The following PCDHA7 variants were observed in gnomAD, a reference collection of about 807,000 sequenced individuals.
PCDHA7 encodes protocadherin alpha 7, also known as protocadherin alpha-7.
Under a neutral mutation model 57.2 loss-of-function variants are expected in PCDHA7, and 37 were observed. That is an observed-to-expected ratio of 0.65 (90% CI 0.50 to 0.85). The LOEUF (loss-of-function observed/expected upper bound fraction) is 0.85. Among genes scored for constraint, PCDHA7 ranks in the 40% least tolerant of loss-of-function variants. PCDHA7 has a pLI of 0.00. For missense variants in PCDHA7, 1,188 were observed against 1,241.8 expected (o/e 0.96, Z 0.65); for synonymous variants, 553 against 558.8 (o/e 0.99, Z 0.15).
Position 140,842,281 on chromosome 5 carries a change from T to G in PCDHA7, c.2355+5543T>G, listed in dbSNP as rs1777847899. On this transcript the variant is annotated intron_variant, in intron 1 of 3. Coordinates refer to ENST00000525929, the MANE Select transcript of PCDHA7 (RefSeq NM_018910.3). Reference sequence around the variant, plus strand: ...AAGAAAACTTATACAAAATCCTCATTGACGCCACGGACAAAGGCCATCCTC... The same window carrying G: ...AAGAAAACTTATACAAAATCCTCATGGACGCCACGGACAAAGGCCATCCTC... 3 of 1,610,824 alleles carry G rather than the reference T, an allele frequency of 1.9e-6. No individual in the cohort carries two copies. The East Asian group carries it at 6.7e-5, about 36-fold the overall frequency.
rs2150279468 is a variant in PCDHA7, at chr5:140,851,877, A to C, written c.2355+15139A>C. On this transcript the variant is annotated intron_variant, in intron 1 of 3. Coordinates refer to ENST00000525929, the MANE Select transcript of PCDHA7 (RefSeq NM_018910.3). Reference sequence around the variant, plus strand: ...CAGCTCATACATAACACAAGGCAGAAATCTGGATATGAGATTTGCCTCTTT... The same window carrying C: ...CAGCTCATACATAACACAAGGCAGACATCTGGATATGAGATTTGCCTCTTT... 2.0e-6 allele frequency: 2 copies of C among 977,786 alleles called. 1 individual carries two copies. The highest frequency in any genetic ancestry group is 3.5e-5 in the African/African-American group (2 of 56,674). The allele number at this position is 977,786 out of a possible 1,614,324, so 60.6% of individuals were successfully genotyped here.
chr5:140,861,263 C>T (rs1441824689), intron 1 of PCDHA7: 2 of 174,012 alleles, frequency 1.1e-5, no homozygotes, highest in African/African-American at 4.8e-5. Context: ...ATCCCGGAGC[C>T]TACAGCACTG....
At chr5:140,901,922 G>A (rs2068984254) in intron 1 of PCDHA7, among the ~76,000 whole-genome samples, 2 of 151,732 alleles carry the variant, frequency 1.3e-5, no homozygotes. Flanking sequence ...TCACTTCTTT[G>A]GTTAATTCCT....
chr5:140,869,964 T>A (rs546576795), intron 1 of PCDHA7: 1 of 1,613,046 alleles, frequency 6.2e-7, no homozygotes, highest in African/African-American at 1.3e-5. Context: ...TTAAGCCCAA[T>A]GGAAGACACT....
Position 140,988,156 on chromosome 5 carries a change from C to T in PCDHA7, c.2503+5593C>T, listed in dbSNP as rs546335543. Among the ~76,000 whole-genome samples, 7 of 152,172 alleles carry T rather than the reference C, an allele frequency of 4.6e-5. No individual in the cohort carries two copies. The South Asian group carries it at 1.5e-3, about 32-fold the overall frequency. On this transcript the variant is annotated intron_variant, in intron 3 of 3. Coordinates refer to ENST00000525929, the MANE Select transcript of PCDHA7 (RefSeq NM_018910.3). ...TAACCTGTTCAACCTCAACTTCTGCCGTTGTCATAGCAATGACAGTCCTGG... is the reference window on the plus strand; with the variant it reads ...TAACCTGTTCAACCTCAACTTCTGCTGTTGTCATAGCAATGACAGTCCTGG...
Position 141,011,490 on chromosome 5 carries a change from A to T in PCDHA7, c.*1553A>T, listed in dbSNP as rs2098420792. On this transcript the variant is annotated 3_prime_UTR_variant, in exon 4 of 4. Transcript: ENST00000525929. ...GTAATTCCATTATATTTCCTTTTGT[A>T]CACCTGTGAAAAAGTGGAGTAGTGT... The T allele has an allele frequency of 1.3e-5, 2 of 153,734 alleles. No homozygotes were observed. The highest frequency in any genetic ancestry group is 2.9e-5 in the Non-Finnish European group (2 of 68,036). 9.5% of individuals were successfully genotyped at this position (153,734 alleles called of 1,614,324 possible). A position where few individuals can be genotyped will look rare whatever the true frequency, so the allele number is the denominator to read the frequency against.
At position 140,836,054 on chromosome 5, in the gene PCDHA7, C is replaced by T; in HGVS notation, c.1671C>T (p.Asp557=). 2 of 1,613,594 alleles carry T rather than the reference C, an allele frequency of 1.2e-6. No individual in the cohort carries two copies. The highest frequency in any genetic ancestry group is 1.7e-6 in the Non-Finnish European group (2 of 1,179,746). The change falls in exon 1 of 4, where the codon GAC becomes GAT. Residue 557 remains aspartate (D), a synonymous_variant. Transcript: ENST00000525929. Reference sequence around the variant, plus strand: ...TGACGCTGCAGGTGTTCGTGCTGGACGAGAACGACAACGCGCCGGCACTGC... The same window carrying T: ...TGACGCTGCAGGTGTTCGTGCTGGATGAGAACGACAACGCGCCGGCACTGC... ...SNVTLQVFVL[D]ENDNAPALLA...
intron 1 of PCDHA7, among the ~76,000 whole-genome samples, chr5:140,948,438 G>A (rs2094254732): frequency 6.6e-6 from 1 of 151,474 alleles, no homozygotes; most frequent in South Asian, 2.1e-4. Context: ...GAAACATTCT[G>A]TGCCAGGGAT....
In PCDHA7 at chr5:140,871,387, G is replaced by A. The variant is rs372339362; in HGVS notation, c.2355+34649G>A. Reference sequence around the variant, plus strand: ...GCGGCAGAGGGTGTGCTCTGAGGAGGGCCCACCTAAGACGGACCTCATGGC... The same window carrying A: ...GCGGCAGAGGGTGTGCTCTGAGGAGAGCCCACCTAAGACGGACCTCATGGC... On this transcript the variant is annotated intron_variant, in intron 1 of 3. Coordinates refer to ENST00000525929, the MANE Select transcript of PCDHA7 (RefSeq NM_018910.3). 87 of 1,614,172 alleles carry A rather than the reference G, an allele frequency of 5.4e-5. No homozygotes were observed. The African/African-American group carries it at 1.0e-3, about 19-fold the overall frequency.
At chr5:140,931,982 T>G (rs1486789443) in intron 1 of PCDHA7, among the ~76,000 whole-genome samples, 1 of 151,968 alleles carries the variant, frequency 6.6e-6, no homozygotes, top group Non-Finnish European at 1.5e-5. Context: ...GTTTATATTT[T>G]GCTCAAATTC....
At chr5:140,851,162 G>C in intron 1 of PCDHA7, 1 of 1,294,640 alleles carries the variant, frequency 7.7e-7, no homozygotes, top group African/African-American at 1.5e-5. Context: ...CTGATGCTAT[G>C]CTGCCATAAC....
chr5:140,948,670 A>G (rs951520840), intron 1 of PCDHA7, among the ~76,000 whole-genome samples: 1 of 151,654 alleles, frequency 6.6e-6, no homozygotes. Context: ...TAGTGATAAC[A>G]TCTTTTTCAT....
intron 1 of PCDHA7, chr5:140,882,064 C>G (rs1277765660): frequency 1.1e-5 from 9 of 831,034 alleles, no homozygotes; most frequent in Non-Finnish European, 1.6e-5. Context: ...CTTACACGTT[C>G]ATGCGCATGG....
At chr5:140,876,292 A>G in intron 1 of PCDHA7, 1 of 1,614,080 alleles carries the variant, frequency 6.2e-7, no homozygotes, top group Non-Finnish European at 8.5e-7. Context: ...CGAAGGACTT[A>G]ATGGAGAAAT....
At position 140,881,397 on chromosome 5, in the gene PCDHA7, T is replaced by C. The variant is rs571341331; in HGVS notation, c.2355+44659T>C. On this transcript the variant is annotated intron_variant, in intron 1 of 3. Transcript: ENST00000525929. ...CAGCCGGCGGCGGTAAGTTAAATTC[T>C]ATTAAATCAATAGGATATTAGTTCC... 20 of 979,006 alleles carry C rather than the reference T, an allele frequency of 2.0e-5. No homozygotes were observed. In the African/African-American group the frequency reaches 3.5e-4, roughly 17 times the overall value. 60.6% of individuals were successfully genotyped at this position (979,006 alleles called of 1,614,324 possible). A position where few individuals can be genotyped will look rare whatever the true frequency, so the allele number is the denominator to read the frequency against.
intron 1 of PCDHA7, chr5:140,865,878 T>C (rs1436758278): frequency 1.3e-5 from 2 of 152,170 alleles, no homozygotes; most frequent in Non-Finnish European, 2.9e-5. Flanking sequence ...GCTAGGAAAA[T>C]CAAGCACAAA....
At chr5:140,992,416 C>T (rs3776107) in intron 3 of PCDHA7, among the ~76,000 whole-genome samples, 9,821 of 152,168 alleles carry the variant, frequency 0.065, 355 homozygotes, top group East Asian at 0.12. Context: ...TGCCCCAGGT[C>T]TAAGAATATT....
chr5:140,869,456 AT>A (rs1175063244), intron 1 of PCDHA7: 1 of 1,614,072 alleles, frequency 6.2e-7, no homozygotes, highest in East Asian at 2.2e-5. Flanking sequence ...CAGGTTTTCC[AT>A]GTGAACGTGG....
rs144119560 is a variant in PCDHA7 at position 140,883,581 on chromosome 5, C to G, written c.2355+46843C>G. ...GGGGGCTCGCCTTCGCTGTGGGCCACGGCCAGCGTGTCGGTGGGGGTGGCC... is the reference window on the plus strand; with the variant it reads ...GGGGGCTCGCCTTCGCTGTGGGCCAGGGCCAGCGTGTCGGTGGGGGTGGCC... On this transcript the variant is annotated intron_variant, in intron 1 of 3. Coordinates refer to ENST00000525929, the MANE Select transcript of PCDHA7 (RefSeq NM_018910.3). 2.6e-4 allele frequency: 420 copies of G among 1,614,018 alleles called. 1 individual carries two copies. In the African/African-American group the frequency reaches 5.3e-3, roughly 20 times the overall value.
Sources: allele counts gnomAD v4.1 joint callset (sites outside exome capture counted in the v4.1 genomes callset), GRCh38; gene constraint gnomAD v4.1.1; transcripts MANE v1.5; gene names NCBI Gene and HGNC (gene_info 2026-07-23, HGNC 2026-07-21).